The following DNAH7 variants were observed in gnomAD, a reference collection of about 807,000 sequenced individuals.
DNAH7 encodes the protein axonemal beta dynein heavy chain 7.
A neutral mutation model predicts 444.6 loss-of-function variants in DNAH7; 397 were observed. The ratio of observed to expected loss-of-function variants is 0.89; its 90% CI spans 0.82 to 0.97. The LOEUF is 0.97. Among genes scored for constraint, DNAH7 ranks in the 50% least tolerant of loss-of-function variants. DNAH7 has a pLI of 0.00. For missense variants in DNAH7, 4,902 were observed against 4,800.8 expected (o/e 1.02, Z -0.62); for synonymous variants, 1,636 against 1,624.4 (o/e 1.01, Z -0.17).
intron 19 of DNAH7, among the ~76,000 whole-genome samples, chr2:195,950,947 C>A (rs202155007): frequency 6.9e-6 from 1 of 144,748 alleles, no homozygotes; most frequent in East Asian, 2.2e-4. Context: ...CAGTTCTGCT[C>A]TGATCTAAGT....
Position 195,927,121 on chromosome 2 carries a change from T to A in DNAH7, c.3472-555A>T, listed in dbSNP as rs530948669. 1.2e-3 allele frequency among the ~76,000 whole-genome samples: 178 copies of A among 152,214 alleles called. 1 individual carries two copies. The highest frequency in any genetic ancestry group is 4.1e-3 in the African/African-American group (170 of 41,548). Reference sequence around the variant, plus strand: ...ATGACAGAGACAGATGTACGATTCATTCATGGAGAGTTGAGGGCTGTAAAG... The same window carrying A: ...ATGACAGAGACAGATGTACGATTCAATCATGGAGAGTTGAGGGCTGTAAAG... On this transcript the variant is annotated intron_variant, in intron 21 of 64. Coordinates refer to ENST00000312428, the MANE Select transcript of DNAH7 (RefSeq NM_018897.3).
intron 60 of DNAH7, among the ~76,000 whole-genome samples, chr2:195,773,102 C>T (rs1159744128): frequency 6.6e-6 from 1 of 152,092 alleles, no homozygotes; most frequent in Non-Finnish European, 1.5e-5. Context: ...TTTAACACTA[C>T]TTACCACATA....
At chr2:195,808,333 C>T (rs976578959) in intron 53 of DNAH7, among the ~76,000 whole-genome samples, 17 of 152,172 alleles carry the variant, frequency 1.1e-4, no homozygotes, top group African/African-American at 3.6e-4. Context: ...CAGCTTGTAT[C>T]CTGCATTCAG....
intron 5 of DNAH7, among the ~76,000 whole-genome samples, chr2:196,041,620 G>C (rs1696764717): frequency 1.3e-5 from 2 of 151,944 alleles, no homozygotes; most frequent in South Asian, 4.1e-4. Context: ...AGAAAACATT[G>C]GAAAAATGCT....
chr2:195,988,235 C>T lies in DNAH7; in HGVS notation c.1354-6G>A. 6.3e-7 allele frequency: 1 copy of T among 1,582,232 alleles called. No homozygotes were observed. Among genetic ancestry groups the T allele is most frequent in the Non-Finnish European group, 8.6e-7 (1 of 1,169,178 alleles). On this transcript the variant is annotated splice_region_variant and splice_polypyrimidine_tract_variant and intron_variant, in intron 12 of 64. Transcript: ENST00000312428. ...GTTGGTTTAGACTTACTTTCCTAAA[C>T]AAGGGGGTAAAAATAATAGTATTTA...
At chr2:196,067,885 G>A (rs1448736658) in intron 1 of DNAH7, among the ~76,000 whole-genome samples, 2 of 152,180 alleles carry the variant, frequency 1.3e-5, no homozygotes, top group Non-Finnish European at 2.9e-5. Flanking sequence ...TACGTAGAAA[G>A]CTAGAGTTAT....
rs545026564 is a variant in DNAH7 at position 195,828,307 on chromosome 2, G to A, written c.9101-3862C>T. 1.2e-4 allele frequency among the ~76,000 whole-genome samples: 19 copies of A among 152,204 alleles called. 1 individual carries two copies. The South Asian group carries it at 3.3e-3, about 27-fold the overall frequency. On this transcript the variant is annotated intron_variant, in intron 48 of 64. Transcript: ENST00000312428. ...TCTTTTCAAATATTTCTGCCAGGCC[G>A]GGCACAGTGGCTCATGCCTGTAATC...
intron 63 of DNAH7, among the ~76,000 whole-genome samples, chr2:195,752,263 C>A (rs1380330487): frequency 9.8e-6 from 1 of 102,028 alleles, no homozygotes; most frequent in Non-Finnish European, 2.1e-5. Context: ...AATGTGAGAC[C>A]CTATCTCAAA....
chr2:195,757,183 C>T (rs1489095405), intron 61 of DNAH7, among the ~76,000 whole-genome samples: 2 of 152,102 alleles, frequency 1.3e-5, no homozygotes, highest in Non-Finnish European at 2.9e-5. Context: ...CTACTCGCTA[C>T]CTATTAAATC....
chr2:195,837,192 T>C (rs1189285603), intron 47 of DNAH7, among the ~76,000 whole-genome samples: 1 of 152,226 alleles, frequency 6.6e-6, no homozygotes, highest in African/African-American at 2.4e-5. Flanking sequence ...AATCTACTGA[T>C]ATTGAAACAG....
chr2:196,051,016 T>C lies in DNAH7; in HGVS notation c.141+171A>G, dbSNP rs780800722. Among the ~76,000 whole-genome samples the C allele has an allele frequency of 1.4e-4, 21 of 152,260 alleles. No homozygotes were observed. The highest frequency in any genetic ancestry group is 2.6e-4 in the Non-Finnish European group (18 of 68,046). ...TACATATACAGGTAATTATAGCTTATGGTTACTTTACTAAGATAGTTATTT... is the reference window on the plus strand; with the variant it reads ...TACATATACAGGTAATTATAGCTTACGGTTACTTTACTAAGATAGTTATTT... On this transcript the variant is annotated intron_variant, in intron 3 of 64. Coordinates refer to ENST00000312428, the MANE Select transcript of DNAH7 (RefSeq NM_018897.3).
At chr2:195,913,811 G>A (rs1321110451) in intron 24 of DNAH7, among the ~76,000 whole-genome samples, 3 of 152,168 alleles carry the variant, frequency 2.0e-5, no homozygotes, top group African/African-American at 7.2e-5. Flanking sequence ...CGCCTCCCGG[G>A]TTCAAGCGAT....
At position 195,872,243 on chromosome 2, in the gene DNAH7, A is replaced by C; in HGVS notation, c.6633+7T>G. On this transcript the variant is annotated splice_region_variant and intron_variant, in intron 40 of 64. Coordinates refer to ENST00000312428, the MANE Select transcript of DNAH7 (RefSeq NM_018897.3). ...CATAATCCCATTTCAATAACAGGAA[A>C]ATTTACCTCATGAACCCAAAGACGT... The C allele has an allele frequency of 6.3e-7, 1 of 1,599,800 alleles. No individual in the cohort carries two copies. The highest frequency in any genetic ancestry group is 1.1e-5 in the South Asian group (1 of 88,498).
In DNAH7 at chr2:195,740,756, A is replaced by G. The variant is rs780125659; in HGVS notation, c.11868+10T>C. The G allele has an allele frequency of 1.5e-6, 2 of 1,375,256 alleles. No homozygotes were observed. Among genetic ancestry groups the G allele is most frequent in the Admixed American group, 5.1e-5 (2 of 39,250 alleles). 85.2% of individuals were successfully genotyped at this position (1,375,256 alleles called of 1,614,324 possible). A position where few individuals can be genotyped will look rare whatever the true frequency, so the allele number is the denominator to read the frequency against. On this transcript the variant is annotated intron_variant, in intron 64 of 64. Coordinates refer to ENST00000312428, the MANE Select transcript of DNAH7 (RefSeq NM_018897.3). ...AATTCCACATGTATATATAATTAGA[A>G]TTTACTAACCACAGGCACTGTATCA...
chr2:195,935,756 C>T (rs1331380142), intron 20 of DNAH7, among the ~76,000 whole-genome samples: 1 of 151,982 alleles, frequency 6.6e-6, no homozygotes, highest in East Asian at 1.9e-4. Flanking sequence ...GGGAGGGCCT[C>T]CCTGAATGAC....
At chr2:195,954,076 T>G (rs989362376) in intron 19 of DNAH7, among the ~76,000 whole-genome samples, 3 of 152,162 alleles carry the variant, frequency 2.0e-5, no homozygotes, top group Non-Finnish European at 4.4e-5. Context: ...GTGCACAACA[T>G]GCAGGTTTGT....
chr2:195,872,993 G>A (rs1222820807), intron 39 of DNAH7, among the ~76,000 whole-genome samples: 2 of 152,232 alleles, frequency 1.3e-5, no homozygotes, highest in Non-Finnish European at 2.9e-5. Context: ...TATAAAGAAT[G>A]TAGAGAAATA....
Position 195,797,147 on chromosome 2 carries a change from CTA to C in DNAH7, c.10354-412_10354-411del, listed in dbSNP as rs1274298127. Among the ~76,000 whole-genome samples, 8 of 152,310 alleles carry C rather than the reference CTA, an allele frequency of 5.3e-5. No individual in the cohort carries two copies. The East Asian group carries it at 1.2e-3, about 22-fold the overall frequency. ...CTGTTTCCTCCATATCTTTGAATAACTATATTTTAGTTACTTTGGCTACTGTA... is the reference window on the plus strand; with the variant it reads ...CTGTTTCCTCCATATCTTTGAATAACTATTTTAGTTACTTTGGCTACTGTA... On this transcript the variant is annotated intron_variant, in intron 55 of 64. Transcript: ENST00000312428.
At chr2:195,921,533 G>A (rs572114723) in intron 24 of DNAH7, among the ~76,000 whole-genome samples, 22 of 152,288 alleles carry the variant, frequency 1.4e-4, no homozygotes, top group African/African-American at 3.4e-4. Flanking sequence ...TTATAAGTGA[G>A]AGCTAAGCTA....
Sources: allele counts gnomAD v4.1 joint callset (sites outside exome capture counted in the v4.1 genomes callset), GRCh38; gene constraint gnomAD v4.1.1; transcripts MANE v1.5; gene names NCBI Gene and HGNC (gene_info 2026-07-23, HGNC 2026-07-21).